Variants in KLHL32 observed in about 807,000 individuals in gnomAD.
The protein encoded by KLHL32 is kelch like family member 32, also known as kelch-like protein 32.
A neutral mutation model predicts 64.8 loss-of-function variants in KLHL32; 35 were observed. The observed-to-expected ratio is 0.54, with a 90% CI of 0.41 to 0.72. The LOEUF (loss-of-function observed/expected upper bound fraction) is 0.72, where lower values mean the gene tolerates loss of function less well. Among genes scored for constraint, KLHL32 ranks in the 30% least tolerant of loss-of-function variants. The pLI is 0.00. For missense variants in KLHL32, 589 were observed against 768.5 expected, an observed-to-expected ratio of 0.77 and a Z score of 2.76; for synonymous variants, 259 against 281.0, an observed-to-expected ratio of 0.92 and a Z score of 0.78.
chr6:96,938,630 T>TGCA (rs199671024), intron 1 of KLHL32, among the ~76,000 whole-genome samples: 4,279 of 151,966 alleles, frequency 0.028, 82 homozygotes, highest in Non-Finnish European at 0.037. Context: ...TCTCTCTTCC[T>TGCA]GCAGCAGCAG....
At chr6:97,115,357 G>T (rs1230201805) in intron 7 of KLHL32, among the ~76,000 whole-genome samples, 2 of 152,206 alleles carry the variant, frequency 1.3e-5, no homozygotes, top group Non-Finnish European at 2.9e-5. Context: ...GTGAATGGTA[G>T]TTACTTGTGC....
chr6:97,027,731 C>T (rs1367892488), intron 3 of KLHL32, among the ~76,000 whole-genome samples: 1 of 152,192 alleles, frequency 6.6e-6, no homozygotes, highest in Non-Finnish European at 1.5e-5. Context: ...CACTCCCACC[C>T]CTCCAAATCT....
chr6:97,068,694 G>C (rs1479098465), intron 5 of KLHL32, among the ~76,000 whole-genome samples: 1 of 152,160 alleles, frequency 6.6e-6, no homozygotes, highest in Non-Finnish European at 1.5e-5. Flanking sequence ...GAATGTAAAT[G>C]ACTCTAAGGT....
intron 3 of KLHL32, among the ~76,000 whole-genome samples, chr6:97,041,084 G>T (rs1381142710): frequency 6.6e-6 from 1 of 152,140 alleles, no homozygotes; most frequent in Non-Finnish European, 1.5e-5. Context: ...TGTTTCATTG[G>T]ACTGAGGCAG....
In KLHL32 at chr6:97,044,108, T is replaced by C. The variant is rs529509786; in HGVS notation, c.312+2509T>C. The stretch of plus-strand genomic sequence containing the variant: ...GAGCTTTCAACTTTTCACCACTAAG[T>C]ATAATGTTAACTCTGGGCTTTTCAG... On this transcript the variant is annotated intron_variant, in intron 4 of 10. Transcript: ENST00000369261. Among the ~76,000 whole-genome samples the C allele has an allele frequency of 1.0e-3, 153 of 152,240 alleles. 1 individual carries two copies. The highest frequency in any genetic ancestry group is 3.5e-3 in the African/African-American group (147 of 41,568).
At chr6:97,072,358 T>C (rs1790881666) in intron 5 of KLHL32, among the ~76,000 whole-genome samples, 2 of 152,222 alleles carry the variant, frequency 1.3e-5, no homozygotes, top group Admixed American at 6.5e-5. Context: ...AAAATTCTGT[T>C]TGATAGATTT....
intron 3 of KLHL32, among the ~76,000 whole-genome samples, chr6:97,027,309 A>G (rs1269224089): frequency 6.6e-6 from 1 of 152,006 alleles, no homozygotes; most frequent in Non-Finnish European, 1.5e-5. Context: ...GATCCTGACC[A>G]CTCTCACTTG....
chr6:97,016,013 C>T (rs1290648949), intron 3 of KLHL32, among the ~76,000 whole-genome samples: 1 of 152,158 alleles, frequency 6.6e-6, no homozygotes, highest in Non-Finnish European at 1.5e-5. Context: ...GTCTTGGGAA[C>T]CTCCTCCTAG....
chr6:97,070,865 T>G (rs1244782172), intron 5 of KLHL32, among the ~76,000 whole-genome samples: 3 of 152,106 alleles, frequency 2.0e-5, no homozygotes, highest in African/African-American at 7.2e-5. Context: ...TGGAAATTGG[T>G]GGGGGGTGTG....
chr6:97,130,627 A>G, intron 8 of KLHL32, 130 bp from the exon 9 acceptor site: 1 of 642,072 alleles, frequency 1.6e-6, no homozygotes, highest in South Asian at 2.7e-5. Context: ...ATATATAAAC[A>G]ACATTCAAAC....
intron 5 of KLHL32, among the ~76,000 whole-genome samples, chr6:97,084,262 C>G (rs1406100472): frequency 6.6e-6 from 1 of 152,164 alleles, no homozygotes; most frequent in Admixed American, 6.5e-5. Flanking sequence ...AAATAGCCCA[C>G]TCTCATTCTA....
chr6:96,935,404 TC>T (rs1562171497), intron 1 of KLHL32, among the ~76,000 whole-genome samples: 1 of 152,120 alleles, frequency 6.6e-6, no homozygotes, highest in Non-Finnish European at 1.5e-5. Context: ...AGTTACCTTT[TC>T]CCCCCATAAA....
At chr6:97,075,345 T>C (rs1411695185) in intron 5 of KLHL32, among the ~76,000 whole-genome samples, 2 of 152,342 alleles carry the variant, frequency 1.3e-5, no homozygotes, top group East Asian at 1.9e-4. Flanking sequence ...TACATATTTA[T>C]ATACAAAATA....
chr6:96,933,588 A>G (rs1395488948), intron 1 of KLHL32, among the ~76,000 whole-genome samples: 1 of 152,158 alleles, frequency 6.6e-6, no homozygotes, highest in Non-Finnish European at 1.5e-5. Flanking sequence ...TCCCCTTTGT[A>G]TCTGGAGCCT....
rs1247061030 is a variant in KLHL32 at position 97,114,363 on chromosome 6, T to C, written c.1208T>C (p.Val403Ala). 1.2e-6 allele frequency: 2 copies of C among 1,614,198 alleles called. No individual in the cohort carries two copies. Among genetic ancestry groups the C allele is most frequent in the Non-Finnish European group, 8.5e-7 (1 of 1,180,036 alleles). ...GCCATGGAGGAATACCTCTATGCAG[T>C]TGGGGGCAGAAATGAACTGCGCCAG... is the stretch of plus-strand genomic sequence containing the variant. ...LGAMEEYLYAVGGRNELRQVL... is the reference protein window; with the variant it reads ...LGAMEEYLYAAGGRNELRQVL... The change falls in exon 7 of 11, where the codon GTT (valine) becomes GCT (alanine). Residue 403 changes from valine to alanine, a missense_variant. This residue lies in a region of KLHL32 where 226 missense variants were observed against 353.2 expected (regional missense o/e 0.64). Coordinates refer to ENST00000369261, the MANE Select transcript of KLHL32 (RefSeq NM_052904.4).
intron 1 of KLHL32, among the ~76,000 whole-genome samples, chr6:96,959,887 G>A (rs889914710): frequency 1.3e-5 from 2 of 152,136 alleles, no homozygotes; most frequent in African/African-American, 4.8e-5. Context: ...TAGATTATTG[G>A]AAACTTCCTT....
the KLHL32 span, among the ~76,000 whole-genome samples, chr6:96,901,723 C>T: frequency 6.6e-6 from 1 of 152,150 alleles, no homozygotes. Context: ...TCCTGATTCT[C>T]TCCCTCCTCC....
upstream of KLHL32, among the ~76,000 whole-genome samples, chr6:96,922,072 C>T (rs1223902481): frequency 6.6e-6 from 1 of 152,174 alleles, no homozygotes; most frequent in Non-Finnish European, 1.5e-5. Flanking sequence ...TTCAGTGTTT[C>T]CCCAACTCAT....
intron 7 of KLHL32, among the ~76,000 whole-genome samples, chr6:97,117,256 C>A (rs903617004): frequency 6.6e-6 from 1 of 152,166 alleles, no homozygotes; most frequent in African/African-American, 2.4e-5. Flanking sequence ...TATTCCTTAT[C>A]CTTTACCAAG....
Sources: gnomAD v4.1 joint callset for allele counts (sites outside exome capture counted in the v4.1 genomes callset) on GRCh38, gnomAD v4.1.1 for gene constraint, gnomAD v4.1.1 regional missense constraint, MANE v1.5 for transcripts, NCBI Gene and HGNC (gene_info 2026-07-23, HGNC 2026-07-21) for gene names.